Variants in DENND2B observed in about 807,000 individuals in gnomAD.
DENND2B encodes the protein DENN domain-containing protein 2B.
In DENND2B, 32 loss-of-function variants were observed where a neutral mutation model predicts 116.0. That is an observed-to-expected ratio of 0.28 (90% CI 0.21 to 0.37). The LOEUF (loss-of-function observed/expected upper bound fraction) is 0.37, where lower values mean the gene tolerates loss of function less well. Among genes scored for constraint, DENND2B ranks in the 10% least tolerant of loss-of-function variants. The pLI is 1.00. For missense variants in DENND2B, 1,276 were observed against 1,477.7 expected, an observed-to-expected ratio of 0.86 and a Z score of 2.24; for synonymous variants, 588 against 583.9, an observed-to-expected ratio of 1.01 and a Z score of -0.10.
intron 16 of DENND2B, chr11:8,697,894 T>G (rs924112951): frequency 1.9e-6 from 1 of 526,956 alleles, no homozygotes; most frequent in African/African-American, 1.9e-5. Context: ...TTTGGAAGGC[T>G]GAGCGGGAGG....
intron 2 of DENND2B, among the ~76,000 whole-genome samples, chr11:8,743,585 G>T (rs1206359238): frequency 6.6e-6 from 1 of 151,844 alleles, no homozygotes; most frequent in Non-Finnish European, 1.5e-5. Flanking sequence ...TACTTAAAGT[G>T]TTGCCTCATA....
intron 2 of DENND2B, among the ~76,000 whole-genome samples, chr11:8,732,823 C>T (rs1230952946): frequency 1.3e-5 from 2 of 152,240 alleles, no homozygotes; most frequent in Admixed American, 6.5e-5. Flanking sequence ...ACCCTAAGGC[C>T]GTGGCCCTCA....
intron 2 of DENND2B, among the ~76,000 whole-genome samples, chr11:8,747,355 G>A (rs1042254094): frequency 2.6e-5 from 4 of 152,204 alleles, no homozygotes; most frequent in Non-Finnish European, 5.9e-5. Context: ...AGCTGTGGAG[G>A]AAATCAGCAG....
At chr11:8,724,297 A>G (rs1592744763) in intron 4 of DENND2B, among the ~76,000 whole-genome samples, 1 of 148,334 alleles carries the variant, frequency 6.7e-6, no homozygotes, top group East Asian at 2.0e-4. Context: ...CTCCGTCTCA[A>G]AAAAAAAAAA....
intron 1 of DENND2B, chr11:8,809,025 T>A (rs2061137500): frequency 6.6e-6 from 1 of 152,086 alleles, no homozygotes; most frequent in African/African-American, 2.4e-5. Context: ...AAGGCTGAGG[T>A]TCTGGATTTA....
intron 1 of DENND2B, among the ~76,000 whole-genome samples, chr11:8,904,733 T>G (rs1280663256): frequency 6.6e-6 from 1 of 152,088 alleles, no homozygotes; most frequent in Non-Finnish European, 1.5e-5. Context: ...GGATACAATA[T>G]CAATATGAAA....
At chr11:8,704,538 G>GA (rs1565647005) in intron 13 of DENND2B, among the ~76,000 whole-genome samples, 1 of 152,188 alleles carries the variant, frequency 6.6e-6, no homozygotes, top group African/African-American at 2.4e-5. Flanking sequence ...GAAAAGAGGC[G>GA]AGGAGAAAGC....
chr11:8,902,192 G>A (rs2064178353), intron 1 of DENND2B, among the ~76,000 whole-genome samples: 1 of 152,050 alleles, frequency 6.6e-6, no homozygotes, highest in Non-Finnish European at 1.5e-5. Flanking sequence ...CGGGTGTGGT[G>A]GCACGCGCCT....
chr11:8,890,538 G>C (rs1363021243), intron 1 of DENND2B, among the ~76,000 whole-genome samples: 1 of 152,162 alleles, frequency 6.6e-6, no homozygotes. Context: ...GTGTAGAGAA[G>C]TCCTTAAATG....
chr11:8,744,884 T>G (rs1489629110), intron 2 of DENND2B, among the ~76,000 whole-genome samples: 1 of 151,770 alleles, frequency 6.6e-6, no homozygotes, highest in Non-Finnish European at 1.5e-5. Context: ...ACACAAGGAA[T>G]GAACCTGCGC....
intron 1 of DENND2B, among the ~76,000 whole-genome samples, chr11:8,768,142 T>G (rs59974779): frequency 0.016 from 2,461 of 152,154 alleles, 71 homozygotes; most frequent in African/African-American, 0.056. Flanking sequence ...CTCCCCACCC[T>G]GAGACAGAGT....
At chr11:8,884,267 C>T (rs1224505686) in intron 1 of DENND2B, among the ~76,000 whole-genome samples, 5 of 142,368 alleles carry the variant, frequency 3.5e-5, no homozygotes, top group African/African-American at 1.2e-4. Flanking sequence ...GATACTAATA[C>T]TAGTCTACTA....
At chr11:8,743,082 G>T (rs1434999266) in intron 2 of DENND2B, among the ~76,000 whole-genome samples, 2 of 152,072 alleles carry the variant, frequency 1.3e-5, no homozygotes, top group Admixed American at 1.3e-4. Context: ...GAAAAGAAGA[G>T]AAATGGCTTC....
intron 1 of DENND2B, chr11:8,776,289 T>G (rs541985141): frequency 3.8e-4 from 170 of 453,028 alleles, no homozygotes; most frequent in Non-Finnish European, 5.7e-4. Context: ...TGGAGTGCTC[T>G]CCTTCTTCCT....
At chr11:8,763,029 G>A (rs916578313) in intron 1 of DENND2B, among the ~76,000 whole-genome samples, 4 of 152,166 alleles carry the variant, frequency 2.6e-5, no homozygotes, top group African/African-American at 9.7e-5. Context: ...CAGAATATAT[G>A]AGGAACTTCT....
chr11:8,900,890 A>C (rs1237216953), intron 1 of DENND2B, among the ~76,000 whole-genome samples: 2 of 151,944 alleles, frequency 1.3e-5, no homozygotes, highest in Non-Finnish European at 2.9e-5. Context: ...AATCACTTGA[A>C]TCTGGGAGGC....
At chr11:8,717,124 G>A (rs2045007246) in intron 5 of DENND2B, among the ~76,000 whole-genome samples, 1 of 152,196 alleles carries the variant, frequency 6.6e-6, no homozygotes, top group South Asian at 2.1e-4. Flanking sequence ...CTGACATCCT[G>A]GACAAGGACA....
intron 1 of DENND2B, among the ~76,000 whole-genome samples, chr11:8,806,640 C>CACACACACACA (rs1555201307): frequency 1.7e-3 from 16 of 9,300 alleles, no homozygotes; most frequent in South Asian, 9.4e-3. Context: ...ACACACACAC[C>CACACACACACA]CAGGAGAGCT....
intron 4 of DENND2B, among the ~76,000 whole-genome samples, chr11:8,723,555 C>T (rs1037532031): frequency 3.3e-5 from 5 of 152,186 alleles, no homozygotes; most frequent in Admixed American, 1.3e-4. Context: ...TTCTTCCACT[C>T]TGGGATGTTA....
Sources: allele counts gnomAD v4.1 joint callset (sites outside exome capture counted in the v4.1 genomes callset), GRCh38; gene constraint gnomAD v4.1.1; transcripts MANE v1.5; gene names NCBI Gene and HGNC (gene_info 2026-07-23, HGNC 2026-07-21).